SOX5: variants seen among roughly 807,000 people sequenced by gnomAD.
The protein encoded by SOX5 is SRY-box transcription factor 5.
SOX5 carries 9 observed loss-of-function variants against 92.0 expected under a neutral mutation model. The ratio of observed to expected loss-of-function variants is 0.10; its 90% CI spans 0.06 to 0.17. The LOEUF (loss-of-function observed/expected upper bound fraction) is 0.17. Among genes scored for constraint, SOX5 ranks in the 10% least tolerant of loss-of-function variants. The pLI is 1.00. For missense variants in SOX5, 642 were observed against 944.5 expected (o/e 0.68, Z 4.20); for synonymous variants, 344 against 336.3 (o/e 1.02, Z -0.25).
intron 4 of SOX5, chr12:24,212,335 T>A (rs1424875538): frequency 2.0e-6 from 1 of 508,940 alleles, no homozygotes; most frequent in Non-Finnish European, 3.9e-6. Context: ...CCTTTAGGAG[T>A]AAGTCATTTT....
At chr12:23,742,767 G>C (rs1157217386) in intron 4 of SOX5, among the ~76,000 whole-genome samples, 2 of 152,132 alleles carry the variant, frequency 1.3e-5, no homozygotes, top group African/African-American at 4.8e-5. Flanking sequence ...CCAGAAAGGA[G>C]GATCACTTGA....
intron 6 of SOX5, among the ~76,000 whole-genome samples, chr12:23,701,032 A>T (rs183083150): frequency 3.2e-3 from 482 of 151,976 alleles, no homozygotes; most frequent in Admixed American, 6.6e-3. Flanking sequence ...TACAAATTAA[A>T]ATTTACTATT....
intron 2 of SOX5, among the ~76,000 whole-genome samples, chr12:24,318,771 CA>C (rs1228264075): frequency 4.6e-5 from 7 of 152,148 alleles, no homozygotes; most frequent in Non-Finnish European, 2.9e-5. Flanking sequence ...TAGCATTACC[CA>C]GATACAACCC....
intron 4 of SOX5, among the ~76,000 whole-genome samples, chr12:23,984,321 G>A (rs936178232): frequency 1.5e-4 from 23 of 152,298 alleles, no homozygotes; most frequent in African/African-American, 5.5e-4. Flanking sequence ...GGGCCTACAA[G>A]AAGCACAAAG....
chr12:24,159,476 T>C (rs138361826), intron 4 of SOX5, among the ~76,000 whole-genome samples: 11 of 152,096 alleles, frequency 7.2e-5, no homozygotes, highest in Non-Finnish European at 1.5e-4. Context: ...AGATCTTGTG[T>C]TTTCCCTGTT....
chr12:24,001,217 G>C (rs1034537220), intron 4 of SOX5, among the ~76,000 whole-genome samples: 3 of 151,968 alleles, frequency 2.0e-5, no homozygotes, highest in Admixed American at 6.6e-5. Context: ...CAGCCTCCCA[G>C]GTATCTGGGA....
chr12:24,266,566 TTGA>T (rs750897430), intron 3 of SOX5, among the ~76,000 whole-genome samples: 10 of 152,250 alleles, frequency 6.6e-5, no homozygotes, highest in Admixed American at 1.3e-4. Flanking sequence ...TTTGAATTAC[TTGA>T]TGATTTATAA....
At chr12:23,849,848 T>G (rs1355463632) in intron 2 of SOX5, among the ~76,000 whole-genome samples, 1 of 152,206 alleles carries the variant, frequency 6.6e-6, no homozygotes, top group Non-Finnish European at 1.5e-5. Flanking sequence ...ACATGACTAA[T>G]CAGAGTAATG....
chr12:24,535,553 C>T (rs1951567249), intron 1 of SOX5, among the ~76,000 whole-genome samples: 1 of 152,100 alleles, frequency 6.6e-6, no homozygotes, highest in African/African-American at 2.4e-5. Context: ...TTGCAGTAGC[C>T]CAGCCAAGGA....
chr12:23,919,881 C>A (rs1350611427), intron 1 of SOX5, among the ~76,000 whole-genome samples: 1 of 152,012 alleles, frequency 6.6e-6, no homozygotes. Context: ...ATATTTGTAC[C>A]AGTTATGAAT....
chr12:24,178,898 C>G (rs1174409502), intron 4 of SOX5, among the ~76,000 whole-genome samples: 1 of 152,146 alleles, frequency 6.6e-6, no homozygotes, highest in African/African-American at 2.4e-5. Context: ...CCCCATGATA[C>G]CCATCTTTGA....
intron 3 of SOX5, among the ~76,000 whole-genome samples, chr12:24,267,267 G>A (rs953488): frequency 0.48 from 72,571 of 151,952 alleles, 20,236 homozygotes; most frequent in East Asian, 0.87. Context: ...TTACCATGTT[G>A]TGAGGGGAGT....
intron 4 of SOX5, among the ~76,000 whole-genome samples, chr12:24,138,565 AT>A (rs1380228607): frequency 3.3e-5 from 5 of 152,260 alleles, no homozygotes; most frequent in Non-Finnish European, 7.3e-5. Flanking sequence ...GTGGGCATGT[AT>A]TACAGAAGCA....
At chr12:24,256,587 T>C (rs1170057285) in intron 3 of SOX5, among the ~76,000 whole-genome samples, 1 of 151,726 alleles carries the variant, frequency 6.6e-6, no homozygotes, top group Non-Finnish European at 1.5e-5. Flanking sequence ...TTACACTGCC[T>C]TTCTTTCACC....
intron 2 of SOX5, among the ~76,000 whole-genome samples, chr12:24,350,403 T>C (rs947492418): frequency 1.3e-5 from 2 of 152,100 alleles, no homozygotes; most frequent in Non-Finnish European, 2.9e-5. Flanking sequence ...CAGGATGGAG[T>C]GCACGATCAC....
At chr12:23,613,419 G>A (rs1478031275) in intron 8 of SOX5, among the ~76,000 whole-genome samples, 3 of 151,870 alleles carry the variant, frequency 2.0e-5, no homozygotes, top group African/African-American at 4.8e-5. Context: ...ATGGGACTGT[G>A]CAATGCTCCT....
intron 3 of SOX5, among the ~76,000 whole-genome samples, chr12:23,803,811 T>G (rs990684648): frequency 2.6e-5 from 4 of 151,696 alleles, no homozygotes; most frequent in South Asian, 2.1e-4. Flanking sequence ...CCAGAATGGG[T>G]TTTTTTTAGC....
At chr12:23,807,095 T>C (rs963480169) in intron 3 of SOX5, among the ~76,000 whole-genome samples, 4 of 151,274 alleles carry the variant, frequency 2.6e-5, no homozygotes, top group Non-Finnish European at 4.4e-5. Context: ...TCAAAAATTA[T>C]GTATTCTTCT....
chr12:24,405,835 G>T (rs756092464), intron 1 of SOX5, among the ~76,000 whole-genome samples: 14 of 152,286 alleles, frequency 9.2e-5, no homozygotes, highest in African/African-American at 3.4e-4. Context: ...AGTTATAAAG[G>T]ATCAACAGAA....
Sources: gnomAD v4.1 joint callset for allele counts (sites outside exome capture counted in the v4.1 genomes callset) on GRCh38, gnomAD v4.1.1 for gene constraint, MANE v1.5 for transcripts, NCBI Gene and HGNC (gene_info 2026-07-23, HGNC 2026-07-21) for gene names.